The following CADPS2 variants were observed in gnomAD, a reference collection of about 807,000 sequenced individuals.
The protein encoded by CADPS2 is calcium dependent secretion activator 2, also known as calcium-dependent secretion activator 2.
A neutral mutation model predicts 172.5 loss-of-function variants in CADPS2; 93 were observed. The ratio of observed to expected loss-of-function variants is 0.54; its 90% CI spans 0.46 to 0.64. CADPS2 has a LOEUF of 0.64. Ranked by LOEUF, CADPS2 falls within the 30% of genes least tolerant of loss-of-function variation. The probability of loss-of-function intolerance (pLI) is 0.00; values close to 1 mark genes in which losing one functional copy is unlikely to be tolerated. For missense variants in CADPS2, 1,420 were observed against 1,565.9 expected, an observed-to-expected ratio of 0.91 and a Z score of 1.57; for synonymous variants, 546 against 555.2, an observed-to-expected ratio of 0.98 and a Z score of 0.23.
At chr7:122,735,875 C>T (rs2137760519) in intron 2 of CADPS2, among the ~76,000 whole-genome samples, 1 of 152,154 alleles carries the variant, frequency 6.6e-6, no homozygotes, top group Non-Finnish European at 1.5e-5. Context: ...CTGTAAGATT[C>T]AAATATTGAA....
intron 2 of CADPS2, among the ~76,000 whole-genome samples, chr7:122,735,069 G>A (rs2092048899): frequency 6.6e-6 from 1 of 152,070 alleles, no homozygotes; most frequent in Non-Finnish European, 1.5e-5. Flanking sequence ...CATGAATTCT[G>A]TAAGTCTGAT....
intron 1 of CADPS2, among the ~76,000 whole-genome samples, chr7:122,775,022 GTTT>G (rs201268475): frequency 2.0e-5 from 3 of 151,476 alleles, no homozygotes; most frequent in African/African-American, 7.3e-5. Flanking sequence ...AACTATGTGT[GTTT>G]TTTTTAAAAT....
intron 3 of CADPS2, among the ~76,000 whole-genome samples, chr7:122,651,506 A>G (rs2079143746): frequency 6.6e-6 from 1 of 152,218 alleles, no homozygotes; most frequent in Admixed American, 6.5e-5. Flanking sequence ...TCTAGGGAAA[A>G]GAAATCATAA....
chr7:122,759,682 T>G (rs2093308861), intron 1 of CADPS2, among the ~76,000 whole-genome samples: 1 of 152,176 alleles, frequency 6.6e-6, no homozygotes, highest in Non-Finnish European at 1.5e-5. Context: ...CTGAGTAGTA[T>G]TCAGAAATGA....
At chr7:122,696,518 A>G (rs202028705) in intron 2 of CADPS2, among the ~76,000 whole-genome samples, 65 of 420 alleles carry the variant, frequency 0.15, no homozygotes, top group African/African-American at 0.31. Flanking sequence ...TGGTCATGGA[A>G]GCAGTTATAG....
chr7:122,323,098 T>C (rs2032953377), intron 29 of CADPS2, among the ~76,000 whole-genome samples: 1 of 152,328 alleles, frequency 6.6e-6, no homozygotes, highest in Middle Eastern at 3.4e-3. Context: ...AATGAATCTA[T>C]GTATGAAATT....
chr7:122,551,582 T>A (rs1196260701), intron 8 of CADPS2, among the ~76,000 whole-genome samples: 3 of 152,132 alleles, frequency 2.0e-5, no homozygotes, highest in Non-Finnish European at 4.4e-5. Context: ...AATAGGTTTT[T>A]ACTACTGAAG....
intron 14 of CADPS2, among the ~76,000 whole-genome samples, chr7:122,469,678 T>C (rs897162332): frequency 6.6e-6 from 1 of 152,104 alleles, no homozygotes; most frequent in South Asian, 2.1e-4. Context: ...GGCTGAGAAA[T>C]GGCAGCACTG....
intron 20 of CADPS2, among the ~76,000 whole-genome samples, chr7:122,394,696 G>A (rs2044826774): frequency 6.6e-6 from 1 of 152,114 alleles, no homozygotes; most frequent in African/African-American, 2.4e-5. Context: ...AATAGACTGA[G>A]GGAGGGGGAG....
intron 15 of CADPS2, among the ~76,000 whole-genome samples, chr7:122,443,710 CAAAAAA>C (rs56137420): frequency 3.5e-5 from 2 of 57,846 alleles, no homozygotes; most frequent in African/African-American, 6.5e-5. Context: ...CTGCTTTCTA[CAAAAAA>C]AAAAAAAAAA....
chr7:122,490,389 A>C lies in CADPS2; in HGVS notation c.1652-108T>G, dbSNP rs74433894. The C allele has an allele frequency of 9.3e-3, 7,200 of 771,974 alleles. 316 individuals carry two copies. In the African/African-American group the frequency reaches 0.11, roughly 12 times the overall value. The allele number at this position is 771,974 out of a possible 1,614,324, so 47.8% of individuals were successfully genotyped here. A position where few individuals can be genotyped will look rare whatever the true frequency, so the allele number is the denominator to read the frequency against. On this transcript the variant is annotated intron_variant, in intron 10 of 29. Coordinates refer to ENST00000449022, the MANE Select transcript of CADPS2 (RefSeq NM_017954.11). ...AAGAATGGCTTTGATATTAGCAGTT[A>C]AATGTTTTAAAGAATATTTAGTTTA... is the stretch of plus-strand genomic sequence containing the variant.
rs886118582 is a variant in CADPS2, at chr7:122,834,371, C to T, written c.339+51628G>A. Among the ~76,000 whole-genome samples, 7 of 152,126 alleles carry T rather than the reference C, an allele frequency of 4.6e-5. No individual in the cohort carries two copies. The South Asian group carries it at 6.2e-4, about 14-fold the overall frequency. On this transcript the variant is annotated intron_variant, in intron 1 of 29. Coordinates refer to ENST00000449022, the MANE Select transcript of CADPS2 (RefSeq NM_017954.11). ...TCTACAGCTCCCAGCGTGAGCGACACGGGTAATTTCTGCATTTCCAACTGA... is the reference window on the plus strand; with the variant it reads ...TCTACAGCTCCCAGCGTGAGCGACATGGGTAATTTCTGCATTTCCAACTGA...
chr7:122,628,801 A>ATATT (rs1356358402), intron 4 of CADPS2, among the ~76,000 whole-genome samples: 1 of 149,114 alleles, frequency 6.7e-6, no homozygotes, highest in East Asian at 2.0e-4. Context: ...ACTTAAAATA[A>ATATT]TATTTTTTCA....
At chr7:122,799,931 C>T (rs1447016838) in intron 1 of CADPS2, among the ~76,000 whole-genome samples, 1 of 152,164 alleles carries the variant, frequency 6.6e-6, no homozygotes, top group Admixed American at 6.5e-5. Flanking sequence ...CACTTGGCCA[C>T]TTACAAGCTA....
intron 1 of CADPS2, among the ~76,000 whole-genome samples, chr7:122,738,216 G>C (rs917551993): frequency 6.6e-6 from 1 of 152,040 alleles, no homozygotes; most frequent in South Asian, 2.1e-4. Flanking sequence ...TTAATTTGTA[G>C]GGCCCAGTGC....
intron 18 of CADPS2, among the ~76,000 whole-genome samples, chr7:122,414,748 T>C (rs1242338721): frequency 6.6e-6 from 1 of 152,210 alleles, no homozygotes; most frequent in Non-Finnish European, 1.5e-5. Flanking sequence ...CAATAAATCT[T>C]AGTTACCTAT....
At chr7:122,574,679 TAA>T (rs1291080134) in intron 7 of CADPS2, among the ~76,000 whole-genome samples, 1 of 151,340 alleles carries the variant, frequency 6.6e-6, no homozygotes, top group Non-Finnish European at 1.5e-5. Context: ...GGGAAATTTT[TAA>T]AAAAGGAAAA....
chr7:122,790,858 G>A (rs1795149613), intron 1 of CADPS2, among the ~76,000 whole-genome samples: 1 of 152,104 alleles, frequency 6.6e-6, no homozygotes, highest in Non-Finnish European at 1.5e-5. Context: ...TCTCCCAAGA[G>A]CCCATCATTA....
chr7:122,767,277 C>T (rs1028776094), intron 1 of CADPS2, among the ~76,000 whole-genome samples: 3 of 152,086 alleles, frequency 2.0e-5, no homozygotes, highest in African/African-American at 7.2e-5. Context: ...CTCATCTTTA[C>T]AACTGTGAGG....
Sources: gnomAD v4.1 joint callset for allele counts (sites outside exome capture counted in the v4.1 genomes callset) on GRCh38, gnomAD v4.1.1 for gene constraint, MANE v1.5 for transcripts, NCBI Gene and HGNC (gene_info 2026-07-23, HGNC 2026-07-21) for gene names.